CHRNA7: variants seen among roughly 807,000 people sequenced by gnomAD.
CHRNA7 encodes the protein cholinergic receptor nicotinic alpha 7 subunit.
Under a neutral mutation model 48.0 loss-of-function variants are expected in CHRNA7, and 17 were observed. The observed-to-expected ratio is 0.35, with a 90% CI of 0.24 to 0.53. The LOEUF (loss-of-function observed/expected upper bound fraction) is 0.53. Ranked by LOEUF, CHRNA7 falls within the 20% of genes least tolerant of loss-of-function variation. The probability of loss-of-function intolerance (pLI) is 0.92; values close to 1 mark genes in which losing one functional copy is unlikely to be tolerated. For missense variants in CHRNA7, 155 were observed against 577.7 expected (o/e 0.27, Z 7.50); for synonymous variants, 75 against 242.3 (o/e 0.31, Z 6.41).
chr15:32,097,342 T>TG (rs2050488560), intron 2 of CHRNA7, among the ~76,000 whole-genome samples: 1 of 152,020 alleles, frequency 6.6e-6, no homozygotes, highest in South Asian at 2.1e-4. Context: ...TAAATGCATA[T>TG]GTTGAGATCT....
chr15:32,116,635 C>T (rs775230499), intron 4 of CHRNA7, among the ~76,000 whole-genome samples: 3 of 152,232 alleles, frequency 2.0e-5, no homozygotes, highest in Non-Finnish European at 4.4e-5. Context: ...TTGCTGGGAT[C>T]AGCAGTCCGC....
intron 4 of CHRNA7, among the ~76,000 whole-genome samples, chr15:32,119,578 G>T (rs777126798): frequency 6.6e-6 from 1 of 152,112 alleles, no homozygotes; most frequent in African/African-American, 2.4e-5. Context: ...GACAGGAGAG[G>T]CCCTGATACC....
At chr15:32,067,143 T>C (rs552734402) in intron 2 of CHRNA7, among the ~76,000 whole-genome samples, 1 of 152,254 alleles carries the variant, frequency 6.6e-6, no homozygotes, top group South Asian at 2.1e-4. Context: ...GCTTCCCAAA[T>C]TGGGTGAAAA....
At chr15:32,082,665 GA>G (rs950291647) in intron 2 of CHRNA7, among the ~76,000 whole-genome samples, 3 of 151,982 alleles carry the variant, frequency 2.0e-5, no homozygotes, top group African/African-American at 7.2e-5. Flanking sequence ...TGATTATTTT[GA>G]AAAAACATAC....
At chr15:32,124,034 A>C (rs1362648527) in intron 4 of CHRNA7, among the ~76,000 whole-genome samples, 1 of 152,048 alleles carries the variant, frequency 6.6e-6, no homozygotes, top group Admixed American at 6.6e-5. Context: ...GAGTTAAAAC[A>C]ATCACTAATC....
At chr15:32,053,837 C>G (rs2049736682) in intron 2 of CHRNA7, among the ~76,000 whole-genome samples, 1 of 152,206 alleles carries the variant, frequency 6.6e-6, no homozygotes, top group South Asian at 2.1e-4. Flanking sequence ...GGATGTGTGG[C>G]TGACTACTGG....
chr15:32,082,746 A>T (rs893449580), intron 2 of CHRNA7, among the ~76,000 whole-genome samples: 1 of 152,200 alleles, frequency 6.6e-6, no homozygotes, highest in Admixed American at 6.5e-5. Flanking sequence ...TGTTGATAAT[A>T]TTGCAAGCCC....
In CHRNA7 at chr15:32,141,652, G is replaced by A. The variant is rs1346178846; in HGVS notation, c.351-12255G>A. On this transcript the variant is annotated intron_variant, in intron 4 of 9. Coordinates refer to ENST00000306901, the MANE Select transcript of CHRNA7 (RefSeq NM_000746.6). Reference sequence around the variant, plus strand: ...AGGTCCTTCACATCCCTTGTAAATTGGATTCCTAGGTATTTTATTCTCTTT... The same window carrying A: ...AGGTCCTTCACATCCCTTGTAAATTAGATTCCTAGGTATTTTATTCTCTTT... 4.6e-5 allele frequency among the ~76,000 whole-genome samples: 7 copies of A among 152,116 alleles called. No individual in the cohort carries two copies. In the East Asian group the frequency reaches 1.3e-3, roughly 29 times the overall value.
chr15:32,030,640 C>T lies in CHRNA7; in HGVS notation c.46C>T (p.Leu16Phe). The T allele has an allele frequency of 3.2e-6, 5 of 1,578,244 alleles. No homozygotes were observed. The highest frequency in any genetic ancestry group is 3.4e-6 in the Non-Finnish European group (4 of 1,166,832). ...GGVWLALAAS[L>F]LHVSLQGEFQ... ...CGTCTGGCTGGCGCTGGCCGCGTCGCTCCTGCACGGTAAAGCCACTGCCTC... is the reference window on the plus strand; with the variant it reads ...CGTCTGGCTGGCGCTGGCCGCGTCGTTCCTGCACGGTAAAGCCACTGCCTC... Residue 16 changes from leucine (L) to phenylalanine (F), a missense_variant, in exon 1 of 10, where the codon CTC becomes TTC. By Grantham distance (22) the Leu-to-Phe change is conservative. Coordinates refer to ENST00000306901, the MANE Select transcript of CHRNA7 (RefSeq NM_000746.6).
At chr15:32,131,206 T>C (rs759898459) in intron 4 of CHRNA7, among the ~76,000 whole-genome samples, 25 of 152,326 alleles carry the variant, frequency 1.6e-4, no homozygotes, top group Middle Eastern at 6.8e-3. Context: ...TTCTTGAATC[T>C]GTAGATGTAT....
intron 2 of CHRNA7, among the ~76,000 whole-genome samples, chr15:32,092,677 A>G (rs2050402001): frequency 6.6e-6 from 1 of 152,186 alleles, no homozygotes; most frequent in African/African-American, 2.4e-5. Context: ...ATTAACCTAT[A>G]TTATTTATAG....
intron 4 of CHRNA7, among the ~76,000 whole-genome samples, chr15:32,126,593 ACTT>A (rs1256303212): frequency 6.6e-6 from 1 of 152,166 alleles, no homozygotes; most frequent in Non-Finnish European, 1.5e-5. Context: ...CAGTCCATCT[ACTT>A]AATATATTTT....
chr15:32,045,716 G>A (rs1015170535), intron 2 of CHRNA7, among the ~76,000 whole-genome samples: 8 of 151,286 alleles, frequency 5.3e-5, no homozygotes, highest in African/African-American at 1.9e-4. Context: ...TGTGCACAAC[G>A]TGCAGGTTTG....
intron 2 of CHRNA7, among the ~76,000 whole-genome samples, chr15:32,037,974 C>A (rs2141165811): frequency 1.3e-5 from 2 of 150,732 alleles, no homozygotes; most frequent in East Asian, 1.9e-4. Flanking sequence ...AGGGGACAAC[C>A]TTGACTTGTT....
intron 2 of CHRNA7, among the ~76,000 whole-genome samples, chr15:32,095,417 A>T (rs1035386208): frequency 1.3e-5 from 2 of 152,230 alleles, no homozygotes; most frequent in Admixed American, 1.3e-4. Flanking sequence ...AAGTTCAGTA[A>T]TTCACTTAAT....
intron 2 of CHRNA7, among the ~76,000 whole-genome samples, chr15:32,062,098 C>A (rs1394227752): frequency 6.6e-6 from 1 of 152,138 alleles, no homozygotes; most frequent in African/African-American, 2.4e-5. Context: ...CCAATTCTAA[C>A]TCTTTTAGCT....
At chr15:32,150,514 A>G (rs1172157030) in intron 4 of CHRNA7, among the ~76,000 whole-genome samples, 3 of 152,316 alleles carry the variant, frequency 2.0e-5, no homozygotes, top group Non-Finnish European at 4.4e-5. Context: ...ACTCCTTTAT[A>G]AGAGATTCAA....
intron 4 of CHRNA7, among the ~76,000 whole-genome samples, chr15:32,147,274 T>C (rs1020265752): frequency 1.3e-5 from 2 of 152,278 alleles, no homozygotes; most frequent in South Asian, 2.1e-4. Flanking sequence ...GGGGCCAGGA[T>C]TGAAAAACTA....
chr15:32,053,862 G>A (rs868080577), intron 2 of CHRNA7, among the ~76,000 whole-genome samples: 1 of 152,210 alleles, frequency 6.6e-6, no homozygotes, highest in South Asian at 2.1e-4. Flanking sequence ...GCGTCAGCTC[G>A]TAGGTGTAGG....
Sources: allele counts gnomAD v4.1 joint callset (sites outside exome capture counted in the v4.1 genomes callset), GRCh38; gene constraint gnomAD v4.1.1; transcripts MANE v1.5; gene names NCBI Gene and HGNC (gene_info 2026-07-23, HGNC 2026-07-21).